SCFD2: variants seen among roughly 807,000 people sequenced by gnomAD.
The protein encoded by SCFD2 is sec1 family domain-containing protein 2.
In SCFD2, 54 loss-of-function variants were observed where a neutral mutation model predicts 58.9. The ratio of observed to expected loss-of-function variants is 0.92; its 90% CI spans 0.74 to 1.15. The LOEUF (loss-of-function observed/expected upper bound fraction) is 1.15, where lower values mean the gene tolerates loss of function less well. SCFD2 is among the 50% of genes most tolerant of loss of function. The probability of loss-of-function intolerance (pLI) is 0.00; values close to 1 mark genes in which losing one functional copy is unlikely to be tolerated. For missense variants in SCFD2, 805 were observed against 836.6 expected (o/e 0.96, Z 0.47); for synonymous variants, 321 against 335.9 (o/e 0.96, Z 0.49).
chr4:53,313,741 A>T lies in SCFD2; in HGVS notation c.1030T>A (p.Trp344Arg). The change falls in exon 3 of 9, where the codon TGG becomes AGG. Residue 344 changes from tryptophan (W) to arginine (R), a missense_variant. Physicochemically the swap from Trp to Arg is moderately radical, Grantham distance 101. Coordinates refer to ENST00000401642, the MANE Select transcript of SCFD2 (RefSeq NM_152540.4). ...TGCTTAGTGTTCAGTAAAGCTTCCC[A>T]TAGGGCTTTGGCTGTGGTGTCACTG... ...QSSDTTAKAL[W>R]EALLNTKHKE... 2 of 1,614,040 alleles carry T rather than the reference A, an allele frequency of 1.2e-6. No homozygotes were observed. The highest frequency in any genetic ancestry group is 1.7e-6 in the Non-Finnish European group (2 of 1,179,940).
At chr4:53,251,883 G>T (rs901980788) in intron 4 of SCFD2, among the ~76,000 whole-genome samples, 36 of 150,546 alleles carry the variant, frequency 2.4e-4, no homozygotes, top group African/African-American at 8.5e-4. Context: ...GTTCTGGCCA[G>T]AGCAATTAGG....
intron 5 of SCFD2, among the ~76,000 whole-genome samples, chr4:52,935,918 ACCT>A (rs201462396): frequency 0.014 from 2,068 of 151,368 alleles, 41 homozygotes; most frequent in African/African-American, 0.045. Flanking sequence ...GCTCACCACA[ACCT>A]CCGCCTCCCG....
chr4:53,039,081 G>C (rs1324179817), intron 5 of SCFD2, among the ~76,000 whole-genome samples: 1 of 151,988 alleles, frequency 6.6e-6, no homozygotes, highest in African/African-American at 2.4e-5. Flanking sequence ...CCCTTTCCAG[G>C]TAGCAGTTTG....
chr4:53,011,025 G>C (rs752164444), intron 5 of SCFD2, among the ~76,000 whole-genome samples: 1 of 152,102 alleles, frequency 6.6e-6, no homozygotes, highest in Non-Finnish European at 1.5e-5. Flanking sequence ...AAAGCATCCA[G>C]TTCAAACACT....
At chr4:53,176,386 CT>C (rs140224712) in intron 4 of SCFD2, among the ~76,000 whole-genome samples, 2,799 of 152,230 alleles carry the variant, frequency 0.018, 92 homozygotes, top group African/African-American at 0.064. Context: ...CCTTAAGCCT[CT>C]TAGAGCTCTT....
intron 4 of SCFD2, among the ~76,000 whole-genome samples, chr4:53,155,360 T>C (rs1726644763): frequency 6.6e-6 from 1 of 152,208 alleles, no homozygotes; most frequent in African/African-American, 2.4e-5. Flanking sequence ...TTCAGCCCTC[T>C]CTTGCTCTCT....
chr4:52,968,038 T>C (rs1168784616), intron 5 of SCFD2, among the ~76,000 whole-genome samples: 3 of 152,180 alleles, frequency 2.0e-5, no homozygotes, highest in African/African-American at 7.2e-5. Flanking sequence ...TGGCAACACA[T>C]AATAATTCAA....
chr4:53,348,477 C>T (rs537746710), intron 2 of SCFD2, among the ~76,000 whole-genome samples: 1 of 152,148 alleles, frequency 6.6e-6, no homozygotes, highest in Non-Finnish European at 1.5e-5. Flanking sequence ...TATTTCAATT[C>T]TTCTTTTGCA....
chr4:53,309,558 CAG>C (rs887235233), intron 3 of SCFD2, among the ~76,000 whole-genome samples: 1 of 151,868 alleles, frequency 6.6e-6, no homozygotes, highest in African/African-American at 2.4e-5. Flanking sequence ...GAGGAATGAA[CAG>C]AGTCAGGAAA....
At position 53,001,655 on chromosome 4, in the gene SCFD2, C is replaced by T. The variant is rs771944377; in HGVS notation, c.1562-80785G>A. On this transcript the variant is annotated intron_variant, in intron 5 of 8. Coordinates refer to ENST00000401642, the MANE Select transcript of SCFD2 (RefSeq NM_152540.4). ...AATAGGTGTATAGGACAATACAAAACGGTGAAGTGTGATTAAAACTTGAAC... is the reference window on the plus strand; with the variant it reads ...AATAGGTGTATAGGACAATACAAAATGGTGAAGTGTGATTAAAACTTGAAC... 9.9e-5 allele frequency among the ~76,000 whole-genome samples: 15 copies of T among 152,100 alleles called. No homozygotes were observed. In the East Asian group the frequency reaches 1.2e-3, roughly 12 times the overall value.
intron 4 of SCFD2, among the ~76,000 whole-genome samples, chr4:53,218,071 G>T (rs1226900505): frequency 1.2e-4 from 18 of 152,210 alleles, no homozygotes; most frequent in African/African-American, 2.9e-4. Flanking sequence ...TGGCTGCCCT[G>T]AACATTTTTT....
At chr4:53,052,482 T>C (rs1723212188) in intron 5 of SCFD2, among the ~76,000 whole-genome samples, 1 of 152,186 alleles carries the variant, frequency 6.6e-6, no homozygotes, top group Non-Finnish European at 1.5e-5. Flanking sequence ...AAAAGGCCAC[T>C]GGAGATTAAA....
At chr4:52,981,353 A>G (rs1721371419) in intron 5 of SCFD2, among the ~76,000 whole-genome samples, 1 of 152,190 alleles carries the variant, frequency 6.6e-6, no homozygotes, top group African/African-American at 2.4e-5. Context: ...GGCTTTAAGC[A>G]TTCTCACAGG....
At chr4:52,891,530 T>A (rs1315036822) in intron 7 of SCFD2, among the ~76,000 whole-genome samples, 1 of 152,238 alleles carries the variant, frequency 6.6e-6, no homozygotes, top group Non-Finnish European at 1.5e-5. Context: ...GCTGAACTAG[T>A]AAGCTGTAGG....
rs557653212 is a variant in SCFD2, at chr4:53,281,334, A to C, written c.1136-7333T>G. On this transcript the variant is annotated intron_variant, in intron 3 of 8. Transcript: ENST00000401642. Reference sequence around the variant, plus strand: ...TTTTGAATGGGCTCCTGCTGATACCATGAGCCCTGACTCCTAGTATGTGAT... The same window carrying C: ...TTTTGAATGGGCTCCTGCTGATACCCTGAGCCCTGACTCCTAGTATGTGAT... Among the ~76,000 whole-genome samples the C allele has an allele frequency of 2.6e-5, 4 of 152,326 alleles. No homozygotes were observed. The East Asian group carries it at 7.7e-4, about 29-fold the overall frequency.
chr4:53,092,518 A>AATACATGT (rs747339240), intron 5 of SCFD2, among the ~76,000 whole-genome samples: 2,966 of 152,270 alleles, frequency 0.019, 70 homozygotes, highest in East Asian at 0.11. Flanking sequence ...TTTATTTTTA[A>AATACATGT]AGCCCCCAAA....
chr4:53,057,014 C>T (rs1181978659), intron 5 of SCFD2, among the ~76,000 whole-genome samples: 10 of 152,064 alleles, frequency 6.6e-5, no homozygotes, highest in Admixed American at 6.6e-4. Flanking sequence ...GAAACTCCGT[C>T]TCTAATAAAA....
intron 5 of SCFD2, among the ~76,000 whole-genome samples, chr4:53,137,526 T>C (rs1725978378): frequency 6.6e-6 from 1 of 152,240 alleles, no homozygotes; most frequent in African/African-American, 2.4e-5. Context: ...TAGTAATTGA[T>C]AGTCCCAAAT....
chr4:52,899,925 T>C lies in SCFD2; in HGVS notation c.1842+7532A>G, dbSNP rs1455015173. ...TCATCTTCCATCGCTGATACCCTTTTTTCCAGTTGATCGCATCGGTTACTT... is the reference window on the plus strand; with the variant it reads ...TCATCTTCCATCGCTGATACCCTTTCTTCCAGTTGATCGCATCGGTTACTT... On this transcript the variant is annotated intron_variant, in intron 7 of 8. Coordinates refer to ENST00000401642, the MANE Select transcript of SCFD2 (RefSeq NM_152540.4). Among the ~76,000 whole-genome samples the C allele has an allele frequency of 2.6e-5, 4 of 152,328 alleles. No homozygotes were observed. The East Asian group carries it at 5.8e-4, about 22-fold the overall frequency.
Sources: allele counts gnomAD v4.1 joint callset (sites outside exome capture counted in the v4.1 genomes callset), GRCh38; gene constraint gnomAD v4.1.1; transcripts MANE v1.5; gene names NCBI Gene and HGNC (gene_info 2026-07-23, HGNC 2026-07-21).